The following MYO6 variants were observed in gnomAD, a reference collection of about 807,000 sequenced individuals.
MYO6 encodes the protein unconventional myosin-VI.
In MYO6, 74 loss-of-function variants were observed where a neutral mutation model predicts 178.7. The ratio of observed to expected loss-of-function variants is 0.41; its 90% CI spans 0.34 to 0.50. The LOEUF is 0.50. Ranked by LOEUF, MYO6 falls within the 20% of genes least tolerant of loss-of-function variation. The pLI, the probability that MYO6 is intolerant of heterozygous loss-of-function variation, is 0.09. For synonymous variants in MYO6, 477 were observed against 504.6 expected, an observed-to-expected ratio of 0.95 and a Z score of 0.73; for missense variants, 1,330 against 1,547.4, an observed-to-expected ratio of 0.86 and a Z score of 2.36.
At chr6:75,769,697 C>T (rs1391542079) in intron 1 of MYO6, among the ~76,000 whole-genome samples, 1 of 152,066 alleles carries the variant, frequency 6.6e-6, no homozygotes, top group African/African-American at 2.4e-5. Flanking sequence ...GTCAGGAGAT[C>T]GAGACCATCC....
intron 7 of MYO6, among the ~76,000 whole-genome samples, chr6:75,839,293 A>G (rs1054165430): frequency 1.7e-4 from 26 of 151,982 alleles, no homozygotes; most frequent in Admixed American, 1.5e-3. Context: ...GGTTCACGCC[A>G]TTCTCCTGCC....
At chr6:75,796,670 A>G (rs1391230058) in intron 1 of MYO6, among the ~76,000 whole-genome samples, 1 of 136,856 alleles carries the variant, frequency 7.3e-6, no homozygotes, top group Non-Finnish European at 1.5e-5. Context: ...GTCTCACTAT[A>G]TTGCCCATGC....
At position 75,887,007 on chromosome 6, in the gene MYO6, A is replaced by G. The variant is rs1778485925; in HGVS notation, c.2658+13A>G. On this transcript the variant is annotated intron_variant, in intron 25 of 34. Coordinates refer to ENST00000369977, the MANE Select transcript of MYO6 (RefSeq NM_004999.4). ...GGCCAAAATTAAGGTATGTAATTTC[A>G]ACCCGAATGACTTTGACTTTTTATG... 6.2e-7 allele frequency: 1 copy of G among 1,607,168 alleles called. No individual in the cohort carries two copies. The highest frequency in any genetic ancestry group is 8.5e-7 in the Non-Finnish European group (1 of 1,173,984).
At chr6:75,867,446 T>C (rs1437836386) in intron 18 of MYO6, 1 of 250,844 alleles carries the variant, frequency 4.0e-6, no homozygotes, top group Non-Finnish European at 7.7e-6. Context: ...TTGTTTTAGC[T>C]GGAGTAGTCC....
At chr6:75,756,019 C>T (rs1011852591) in intron 1 of MYO6, among the ~76,000 whole-genome samples, 8 of 152,174 alleles carry the variant, frequency 5.3e-5, no homozygotes, top group South Asian at 2.1e-4. Flanking sequence ...TGGGTTATGG[C>T]GCTGTTACCA....
intron 14 of MYO6, 136 bp downstream of exon 14, chr6:75,859,129 C>A (rs1366322866): frequency 4.6e-6 from 3 of 658,174 alleles, no homozygotes; most frequent in African/African-American, 3.6e-5. Flanking sequence ...ATCTGGGAAG[C>A]CCAGCAGAGG....
At chr6:75,749,741 G>T (rs1045224502) in intron 1 of MYO6, among the ~76,000 whole-genome samples, 1 of 152,040 alleles carries the variant, frequency 6.6e-6, no homozygotes, top group Non-Finnish European at 1.5e-5. Flanking sequence ...GACACTCCGT[G>T]ATAGTTTTAT....
chr6:75,915,043 C>T lies in MYO6; in HGVS notation c.*31C>T. 1.9e-6 allele frequency: 3 copies of T among 1,592,190 alleles called. No individual in the cohort carries two copies. The highest frequency in any genetic ancestry group is 2.6e-6 in the Non-Finnish European group (3 of 1,168,372). ...GCACACCAGCCTTACAGCTGGGAGC[C>T]TTTGCCATGGTACTTAGGTAGGGTG... On this transcript the variant is annotated 3_prime_UTR_variant, in exon 35 of 35. Coordinates refer to ENST00000369977, the MANE Select transcript of MYO6 (RefSeq NM_004999.4).
chr6:75,851,077 G>T (rs1583272859), intron 11 of MYO6, among the ~76,000 whole-genome samples: 1 of 152,058 alleles, frequency 6.6e-6, no homozygotes, highest in Non-Finnish European at 1.5e-5. Flanking sequence ...ACAAAAAAAA[G>T]TCTTTACAAT....
At chr6:75,878,747 G>A (rs1466914329) in intron 20 of MYO6, among the ~76,000 whole-genome samples, 1 of 152,158 alleles carries the variant, frequency 6.6e-6, no homozygotes, top group East Asian at 1.9e-4. Flanking sequence ...CTTGCCGTTT[G>A]TCATAATACT....
chr6:75,768,326 C>CATTTCATTTTATTTT, intron 1 of MYO6, among the ~76,000 whole-genome samples: 2 of 119,518 alleles, frequency 1.7e-5, no homozygotes, highest in South Asian at 6.0e-4. Flanking sequence ...GTAAATAATT[C>CATTTCATTTTATTTT]ATTTTATTTT....
chr6:75,849,007 A>G (rs181686100), intron 11 of MYO6, among the ~76,000 whole-genome samples: 156 of 152,320 alleles, frequency 1.0e-3, no homozygotes, highest in Non-Finnish European at 1.8e-3. Flanking sequence ...GCAGATTGAA[A>G]AGAGTATTTA....
intron 26 of MYO6, among the ~76,000 whole-genome samples, chr6:75,890,813 A>G (rs1391931711): frequency 6.6e-6 from 1 of 152,106 alleles, no homozygotes; most frequent in Non-Finnish European, 1.5e-5. Context: ...TAAAACTATG[A>G]TTTGTTTATT....
intron 11 of MYO6, 61 bp downstream of exon 11, chr6:75,848,592 C>A: frequency 1.3e-6 from 2 of 1,544,338 alleles, no homozygotes; most frequent in South Asian, 2.3e-5. Flanking sequence ...ATTTATTTGT[C>A]ATATGAAAAT....
intron 1 of MYO6, among the ~76,000 whole-genome samples, chr6:75,785,623 G>A (rs906260145): frequency 6.6e-6 from 1 of 151,504 alleles, no homozygotes; most frequent in Non-Finnish European, 1.5e-5. Flanking sequence ...CCACTGCCTG[G>A]CTTTTGCGTT....
chr6:75,806,941 C>G (rs1204390624), intron 1 of MYO6, among the ~76,000 whole-genome samples: 1 of 152,244 alleles, frequency 6.6e-6, no homozygotes, highest in South Asian at 2.1e-4. Flanking sequence ...TTTAATTCCT[C>G]TAGTGCCACT....
intron 1 of MYO6, among the ~76,000 whole-genome samples, chr6:75,806,788 A>G (rs1770140424): frequency 6.6e-6 from 1 of 152,228 alleles, no homozygotes; most frequent in South Asian, 2.1e-4. Context: ...TAGTTAATCT[A>G]ATGTCTGTAG....
chr6:75,796,462 G>T (rs758496382), intron 1 of MYO6, among the ~76,000 whole-genome samples: 2 of 151,966 alleles, frequency 1.3e-5, no homozygotes, highest in Non-Finnish European at 2.9e-5. Context: ...AGATACAGGG[G>T]TACATGTACA....
At chr6:75,862,766 A>G (rs1185022105) in intron 16 of MYO6, 43 bp downstream of exon 16, 1 of 1,605,550 alleles carries the variant, frequency 6.2e-7, no homozygotes, top group South Asian at 1.1e-5. Context: ...GTGGGACGAG[A>G]CATTATTAAA....
Sources: allele counts gnomAD v4.1 joint callset (sites outside exome capture counted in the v4.1 genomes callset), GRCh38; gene constraint gnomAD v4.1.1; transcripts MANE v1.5; gene names NCBI Gene and HGNC (gene_info 2026-07-23, HGNC 2026-07-21).